GPR158: variants seen among roughly 807,000 people sequenced by gnomAD.
GPR158 encodes metabotropic glycine receptor.
GPR158 carries 30 observed loss-of-function variants against 78.2 expected under a neutral mutation model. The observed-to-expected ratio is 0.38, with a 90% confidence interval of 0.29 to 0.52. The LOEUF is 0.52. GPR158 is among the 20% of genes least tolerant of loss of function. GPR158 has a pLI of 0.83. For synonymous variants in GPR158, 581 were observed against 591.1 expected, an observed-to-expected ratio of 0.98 and a Z score of 0.25; for missense variants, 1,463 against 1,523.5, an observed-to-expected ratio of 0.96 and a Z score of 0.66.
chr10:25,522,744 C>T (rs1212976495), intron 5 of GPR158, among the ~76,000 whole-genome samples: 1 of 152,122 alleles, frequency 6.6e-6, no homozygotes, highest in East Asian at 1.9e-4. Context: ...GGCTTTATGT[C>T]AGACTTTTTA....
At chr10:25,475,124 CA>C (rs1275257038) in intron 5 of GPR158, among the ~76,000 whole-genome samples, 2 of 152,062 alleles carry the variant, frequency 1.3e-5, no homozygotes, top group African/African-American at 2.4e-5. Context: ...AAAGCAGTTA[CA>C]AGGGAATCTT....
chr10:25,582,067 G>A (rs565870614), intron 7 of GPR158, among the ~76,000 whole-genome samples: 2 of 152,264 alleles, frequency 1.3e-5, no homozygotes, highest in African/African-American at 4.8e-5. Flanking sequence ...CCCAAGAATA[G>A]TATGGGGGAA....
At chr10:25,401,500 C>T (rs1834445724) in intron 3 of GPR158, among the ~76,000 whole-genome samples, 2 of 152,038 alleles carry the variant, frequency 1.3e-5, no homozygotes, top group African/African-American at 2.4e-5. Context: ...TTTCACTTGT[C>T]CTAAAAATGG....
intron 2 of GPR158, among the ~76,000 whole-genome samples, chr10:25,280,054 A>C (rs549974478): frequency 2.0e-5 from 3 of 152,296 alleles, no homozygotes; most frequent in Admixed American, 6.5e-5. Context: ...CAATAAAAAA[A>C]TTCCAAAAAA....
At chr10:25,483,831 ATTTT>A (rs974592356) in intron 5 of GPR158, among the ~76,000 whole-genome samples, 6 of 152,124 alleles carry the variant, frequency 3.9e-5, no homozygotes, top group African/African-American at 1.4e-4. Flanking sequence ...TTATAATCAG[ATTTT>A]TTTAATTGTA....
At chr10:25,580,973 G>A (rs572873826) in intron 7 of GPR158, among the ~76,000 whole-genome samples, 12 of 141,508 alleles carry the variant, frequency 8.5e-5, no homozygotes, top group East Asian at 3.9e-4. Context: ...GCCAGACTGC[G>A]GACTGCAGTG....
At chr10:25,388,366 C>A (rs947615789) in intron 2 of GPR158, among the ~76,000 whole-genome samples, 4 of 152,194 alleles carry the variant, frequency 2.6e-5, no homozygotes, top group Admixed American at 2.0e-4. Context: ...CCACACCACC[C>A]CCACCCTTGC....
At chr10:25,409,267 C>T (rs1177182209) in intron 3 of GPR158, among the ~76,000 whole-genome samples, 1 of 152,182 alleles carries the variant, frequency 6.6e-6, no homozygotes, top group East Asian at 1.9e-4. Flanking sequence ...CTGTTCTATC[C>T]TCTGCATTTG....
intron 2 of GPR158, among the ~76,000 whole-genome samples, chr10:25,337,773 A>G (rs1403211355): frequency 6.6e-6 from 1 of 151,996 alleles, no homozygotes; most frequent in African/African-American, 2.4e-5. Context: ...TGAATGAAAA[A>G]TTTGCTCCAC....
chr10:25,230,981 T>A (rs572478084), intron 2 of GPR158, among the ~76,000 whole-genome samples: 1 of 152,338 alleles, frequency 6.6e-6, no homozygotes, highest in African/African-American at 2.4e-5. Flanking sequence ...GTTAAGATTT[T>A]ATACCTAGTA....
chr10:25,387,981 A>ATTAT (rs3082183), intron 2 of GPR158, among the ~76,000 whole-genome samples: 97,723 of 151,650 alleles, frequency 0.64, 32,427 homozygotes, highest in Non-Finnish European at 0.73. Context: ...GTTCTTTTTT[A>ATTAT]TTATGATTCA....
At chr10:25,316,712 A>G (rs1391390232) in intron 2 of GPR158, among the ~76,000 whole-genome samples, 1 of 152,216 alleles carries the variant, frequency 6.6e-6, no homozygotes, top group Admixed American at 6.5e-5. Context: ...AACAGATGTT[A>G]TATATTGGTG....
In GPR158 at chr10:25,457,009, G is replaced by A. The variant is rs932038307; in HGVS notation, c.1336-9642G>A. Among the ~76,000 whole-genome samples, 3 of 151,966 alleles carry A rather than the reference G, an allele frequency of 2.0e-5. No homozygotes were observed. The East Asian group carries it at 5.8e-4, about 29-fold the overall frequency. Reference sequence around the variant, plus strand: ...TGTGTGTGTGTTGGAGTCTCGCCCTGTCACCTAGGCTGGAGTGCAGTGGCA... The same window carrying A: ...TGTGTGTGTGTTGGAGTCTCGCCCTATCACCTAGGCTGGAGTGCAGTGGCA... On this transcript the variant is annotated intron_variant, in intron 4 of 10. Transcript: ENST00000376351.
Position 25,600,339 on chromosome 10 carries a change from A to G in GPR158, c.*1065A>G, listed in dbSNP as rs996609506. 6.6e-6 allele frequency: 1 copy of G among 152,596 alleles called. No individual in the cohort carries two copies. Among genetic ancestry groups the G allele is most frequent in the Non-Finnish European group, 1.5e-5 (1 of 68,038 alleles). The allele number at this position is 152,596 out of a possible 1,614,324, so 9.5% of individuals were successfully genotyped here. On this transcript the variant is annotated 3_prime_UTR_variant, in exon 11 of 11. Transcript: ENST00000376351. ...AAGGAAGAAGCTAAGAGTGAGAAAA[A>G]TATACCGTGCATTATTATTACTATT...
intron 2 of GPR158, among the ~76,000 whole-genome samples, chr10:25,388,453 G>C (rs550162573): frequency 4.3e-4 from 65 of 152,334 alleles, no homozygotes; most frequent in African/African-American, 1.6e-3. Flanking sequence ...TGTCCCACGG[G>C]CCCATAAGCA....
chr10:25,321,648 A>C (rs543761380), intron 2 of GPR158, among the ~76,000 whole-genome samples: 97 of 8,502 alleles, frequency 0.011, 2 homozygotes, highest in East Asian at 0.044. Context: ...CTTTAAAATA[A>C]ACAAACAAAC....
intron 1 of GPR158, among the ~76,000 whole-genome samples, chr10:25,197,260 A>G (rs1035574222): frequency 3.3e-5 from 5 of 152,214 alleles, no homozygotes; most frequent in Non-Finnish European, 7.3e-5. Context: ...GGTAGAAGCC[A>G]TCTCACCTCT....
intron 5 of GPR158, among the ~76,000 whole-genome samples, chr10:25,488,295 C>T (rs1835760325): frequency 6.6e-6 from 1 of 152,060 alleles, no homozygotes; most frequent in South Asian, 2.1e-4. Flanking sequence ...CAAGGTCATG[C>T]TTAGCTTCAA....
At position 25,601,280 on chromosome 10, in the gene GPR158, A is replaced by C. The variant is rs1055376384; in HGVS notation, c.*2006A>C. ...CATTTGCTGACTTTATGCATTACTC[A>C]GGTTGGTGGGGTCGGTTTGAGAAGA... On this transcript the variant is annotated 3_prime_UTR_variant, in exon 11 of 11. Transcript: ENST00000376351. 10 of 152,578 alleles carry C rather than the reference A, an allele frequency of 6.6e-5. No homozygotes were observed. Among genetic ancestry groups the C allele is most frequent in the Admixed American group, 3.3e-4 (5 of 15,276 alleles). 9.5% of individuals were successfully genotyped at this position (152,578 alleles called of 1,614,324 possible).
Sources: allele counts gnomAD v4.1 joint callset (sites outside exome capture counted in the v4.1 genomes callset), GRCh38; gene constraint gnomAD v4.1.1; transcripts MANE v1.5; gene names NCBI Gene and HGNC (gene_info 2026-07-23, HGNC 2026-07-21).